The following NRXN3 variants were observed in gnomAD, a reference collection of about 807,000 sequenced individuals.
NRXN3 encodes the protein neurexin III.
Under a neutral mutation model 137.6 loss-of-function variants are expected in NRXN3, and 32 were observed. The ratio of observed to expected loss-of-function variants is 0.23; its 90% CI spans 0.18 to 0.31. NRXN3 has a LOEUF of 0.31. Among genes scored for constraint, NRXN3 ranks in the 10% least tolerant of loss-of-function variants. NRXN3 has a pLI of 1.00. For synonymous variants in NRXN3, 798 were observed against 784.5 expected, an observed-to-expected ratio of 1.02 and a Z score of -0.29; for missense variants, 1,574 against 2,062.5, an observed-to-expected ratio of 0.76 and a Z score of 4.59.
intron 15 of NRXN3, among the ~76,000 whole-genome samples, chr14:79,212,154 A>C (rs1475972548): frequency 1.3e-5 from 2 of 152,170 alleles, no homozygotes; most frequent in Non-Finnish European, 2.9e-5. Context: ...AGCAGCCAGG[A>C]AAACAGACAG....
chr14:78,848,347 G>A (rs1024531699), intron 10 of NRXN3, among the ~76,000 whole-genome samples: 1 of 152,136 alleles, frequency 6.6e-6, no homozygotes, highest in Non-Finnish European at 1.5e-5. Flanking sequence ...TGTCACTGAA[G>A]AAGCTTTGGC....
chr14:78,195,073 C>T (rs2061105512), intron 1 of NRXN3, among the ~76,000 whole-genome samples: 2 of 151,048 alleles, frequency 1.3e-5, no homozygotes, highest in African/African-American at 4.9e-5. Context: ...ACCCCCCACC[C>T]TTTTTTTTCC....
intron 10 of NRXN3, among the ~76,000 whole-genome samples, chr14:78,838,048 C>G (rs1200902293): frequency 6.6e-6 from 1 of 152,064 alleles, no homozygotes; most frequent in Non-Finnish European, 1.5e-5. Flanking sequence ...ATTAGATTAT[C>G]AGCTATGGAG....
At chr14:78,215,207 C>T (rs925308187) in intron 1 of NRXN3, among the ~76,000 whole-genome samples, 1 of 152,176 alleles carries the variant, frequency 6.6e-6, no homozygotes, top group Admixed American at 6.5e-5. Context: ...CACTCTGGCC[C>T]TCTCCCCCTG....
intron 15 of NRXN3, among the ~76,000 whole-genome samples, chr14:79,438,967 T>A (rs768638442): frequency 9.2e-5 from 14 of 152,274 alleles, no homozygotes; most frequent in Non-Finnish European, 1.5e-4. Flanking sequence ...CCCTGATGTT[T>A]GGCATGGGCC....
At chr14:78,210,328 C>G (rs749825785) in intron 1 of NRXN3, among the ~76,000 whole-genome samples, 6 of 152,136 alleles carry the variant, frequency 3.9e-5, no homozygotes, top group African/African-American at 4.8e-5. Context: ...TGTAAGGGCA[C>G]TAATCCCATT....
chr14:78,869,080 T>C (rs2099094946), intron 10 of NRXN3, among the ~76,000 whole-genome samples: 1 of 152,036 alleles, frequency 6.6e-6, no homozygotes, highest in South Asian at 2.1e-4. Context: ...GATAAGAAGC[T>C]ATGAAAATGC....
chr14:78,393,702 A>G (rs2091071667), intron 4 of NRXN3, among the ~76,000 whole-genome samples: 1 of 152,158 alleles, frequency 6.6e-6, no homozygotes, highest in South Asian at 2.1e-4. Context: ...TATCAATTTG[A>G]GAGAATTAAA....
intron 4 of NRXN3, among the ~76,000 whole-genome samples, chr14:78,449,837 G>A (rs79771925): frequency 0.032 from 4,871 of 152,236 alleles, 271 homozygotes; most frequent in East Asian, 0.29. Flanking sequence ...CTTATCCAAC[G>A]TCCTAAAGTC....
chr14:78,406,614 C>A (rs2092501130), intron 4 of NRXN3, among the ~76,000 whole-genome samples: 1 of 152,192 alleles, frequency 6.6e-6, no homozygotes, highest in African/African-American at 2.4e-5. Flanking sequence ...GAAATCCTCA[C>A]AGCACAAGCA....
chr14:79,172,177 C>T (rs1485770987), intron 15 of NRXN3, among the ~76,000 whole-genome samples: 1 of 128,916 alleles, frequency 7.8e-6, no homozygotes, highest in South Asian at 2.9e-4. Flanking sequence ...TATAAAGAAA[C>T]AATAACTTGC....
Position 79,490,714 on chromosome 14 carries a change from TA to T in NRXN3, c.3444+23322del, listed in dbSNP as rs549222879. Among the ~76,000 whole-genome samples, 165 of 148,136 alleles carry T rather than the reference TA, an allele frequency of 1.1e-3. No homozygotes were observed. In the South Asian group the frequency reaches 0.012, roughly 11 times the overall value. On this transcript the variant is annotated intron_variant, in intron 16 of 20. Transcript: ENST00000335750. Reference sequence around the variant, plus strand: ...GGAGGTGGGGGTGGTTAATGAGTATTAAAAAAAAAATAGAAGGAATGAATAA... The same window carrying T: ...GGAGGTGGGGGTGGTTAATGAGTATTAAAAAAAAATAGAAGGAATGAATAA...
chr14:79,135,103 A>G (rs558126476), intron 15 of NRXN3, among the ~76,000 whole-genome samples: 268 of 152,330 alleles, frequency 1.8e-3, no homozygotes, highest in Non-Finnish European at 1.8e-3. Flanking sequence ...TGGGAGGTAC[A>G]TGATATGGAA....
chr14:78,929,322 C>G (rs1156428909), intron 10 of NRXN3, among the ~76,000 whole-genome samples: 1 of 151,886 alleles, frequency 6.6e-6, no homozygotes, highest in Non-Finnish European at 1.5e-5. Flanking sequence ...AGCCTAGTAC[C>G]CATTAGTTAT....
At chr14:78,689,551 A>G (rs1002635525) in intron 6 of NRXN3, among the ~76,000 whole-genome samples, 2 of 152,212 alleles carry the variant, frequency 1.3e-5, no homozygotes, top group Non-Finnish European at 1.5e-5. Context: ...GAGGGAATAC[A>G]AGAGATTAAG....
intron 15 of NRXN3, among the ~76,000 whole-genome samples, chr14:79,194,814 C>T (rs1173623692): frequency 6.6e-6 from 1 of 152,170 alleles, no homozygotes; most frequent in Non-Finnish European, 1.5e-5. Flanking sequence ...ACAGAAAATA[C>T]AAGTCTTGAG....
chr14:79,786,060 T>C (rs186283023), intron 19 of NRXN3, among the ~76,000 whole-genome samples: 1 of 152,264 alleles, frequency 6.6e-6, no homozygotes, highest in East Asian at 1.9e-4. Flanking sequence ...GCTCCAGCAC[T>C]GTGGCCACTG....
At chr14:78,733,215 T>C (rs1186810444) in intron 8 of NRXN3, among the ~76,000 whole-genome samples, 1 of 152,146 alleles carries the variant, frequency 6.6e-6, no homozygotes, top group Non-Finnish European at 1.5e-5. Context: ...TGCTGCACTA[T>C]TTTCTGCCTC....
chr14:78,410,778 A>G (rs1361716677), intron 4 of NRXN3, among the ~76,000 whole-genome samples: 1 of 152,212 alleles, frequency 6.6e-6, no homozygotes, highest in African/African-American at 2.4e-5. Context: ...TCTCTGAAAT[A>G]ATTAAAACTC....
Sources: allele counts gnomAD v4.1 joint callset (sites outside exome capture counted in the v4.1 genomes callset), GRCh38; gene constraint gnomAD v4.1.1; transcripts MANE v1.5; gene names NCBI Gene and HGNC (gene_info 2026-07-23, HGNC 2026-07-21).